The following TNFRSF10A variants were observed in gnomAD, a reference collection of about 807,000 sequenced individuals.
TNFRSF10A encodes TNF receptor superfamily member 10a, also known as tumor necrosis factor receptor superfamily member 10A.
TNFRSF10A carries 44 observed loss-of-function variants against 42.8 expected under a neutral mutation model. The observed-to-expected ratio is 1.03, with a 90% confidence interval of 0.81 to 1.32. The LOEUF is 1.32. Ranked by LOEUF, TNFRSF10A falls within the 40% of genes most tolerant of loss-of-function variation. TNFRSF10A has a pLI of 0.00. For missense variants in TNFRSF10A, 680 were observed against 602.0 expected, an observed-to-expected ratio of 1.13 and a Z score of -1.36; for synonymous variants, 259 against 234.2, an observed-to-expected ratio of 1.11 and a Z score of -0.97.
intron 9 of TNFRSF10A, 82 bp from the exon 10 acceptor site, chr8:23,192,095 A>G: frequency 2.6e-6 from 4 of 1,525,318 alleles, no homozygotes; most frequent in Non-Finnish European, 2.6e-6. Context: ...TCAGGCCCAG[A>G]ACCCAAGGAG....
chr8:23,199,552 C>T, intron 7 of TNFRSF10A, 104 bp from the exon 8 acceptor site: 1 of 1,399,400 alleles, frequency 7.1e-7, no homozygotes, highest in South Asian at 1.3e-5. Flanking sequence ...CCAGTGAGGT[C>T]ACTCCAGGAA....
In TNFRSF10A at chr8:23,224,740, C is replaced by G. The variant is rs1320575221; in HGVS notation, c.306+16G>C. ...AGGCGCGCTTTTCCCCAGGCAGGACCGCGGTGGGGACTCACCTGCAGCAGG... is the reference window on the plus strand; with the variant it reads ...AGGCGCGCTTTTCCCCAGGCAGGACGGCGGTGGGGACTCACCTGCAGCAGG... On this transcript the variant is annotated intron_variant, in intron 1 of 9. Transcript: ENST00000221132. The G allele has an allele frequency of 6.4e-7, 1 of 1,556,866 alleles. No homozygotes were observed.
At chr8:23,218,447 G>A (rs1801214331) in intron 1 of TNFRSF10A, among the ~76,000 whole-genome samples, 1 of 152,060 alleles carries the variant, frequency 6.6e-6, no homozygotes, top group Non-Finnish European at 1.5e-5. Flanking sequence ...GGTTGGCTGT[G>A]GTCGAAAATC....
At chr8:23,194,036 G>T (rs998392062) in intron 9 of TNFRSF10A, among the ~76,000 whole-genome samples, 28 of 152,244 alleles carry the variant, frequency 1.8e-4, no homozygotes, top group Admixed American at 1.8e-3. Context: ...AAATCAAACT[G>T]CCATGGAAAC....
Position 23,191,953 on chromosome 8 carries a change from A to G in TNFRSF10A, c.1148T>C (p.Leu383Pro). 1 of 1,614,148 alleles carries G rather than the reference A, an allele frequency of 6.2e-7. No individual in the cohort carries two copies. The highest frequency in any genetic ancestry group is 8.5e-7 in the Non-Finnish European group (1 of 1,180,042). The part of the protein sequence containing the change: ...NIVPFDSWDQ[L>P]MRQLDLTKNE... Reference sequence around the variant, plus strand: ...TTTCGTGAGGTCCAGCTGCCTCATGAGCTGGTCCCAGGAGTCAAAGGGCAC... The same window carrying G: ...TTTCGTGAGGTCCAGCTGCCTCATGGGCTGGTCCCAGGAGTCAAAGGGCAC... Residue 383 changes from leucine to proline, a missense_variant, in exon 10 of 10, where the codon CTC becomes CCC. Transcript: ENST00000221132.
At chr8:23,209,140 G>T (rs1178247631) in intron 2 of TNFRSF10A, among the ~76,000 whole-genome samples, 1 of 152,232 alleles carries the variant, frequency 6.6e-6, no homozygotes, top group Non-Finnish European at 1.5e-5. Context: ...AGCCTTGGCA[G>T]CTCCCACATG....
At position 23,191,889 on chromosome 8, in the gene TNFRSF10A, T is replaced by C. The variant is rs764634544; in HGVS notation, c.1212A>G (p.Pro404=). 1.2e-6 allele frequency: 2 copies of C among 1,614,062 alleles called. No individual in the cohort carries two copies. Among genetic ancestry groups the C allele is most frequent in the African/African-American group, 2.7e-5 (2 of 74,928 alleles). ...TCAGCATTGCATACAAGGCATCCCC[T>C]GGGCCTGCTGTACCAGCTCTGACCA... ...IDVVRAGTAG[P]GDALYAMLMK... The change falls in exon 10 of 10, where the codon CCA becomes CCG. Residue 404 remains proline (P), a synonymous_variant. Coordinates refer to ENST00000221132, the MANE Select transcript of TNFRSF10A (RefSeq NM_003844.4).
In TNFRSF10A at chr8:23,191,682, A is replaced by G. The variant is rs1336736243; in HGVS notation, c.*12T>C. On this transcript the variant is annotated 3_prime_UTR_variant, in exon 10 of 10. Transcript: ENST00000221132. ...TAACACCTAAGAGGAAACCTCTGGT[A>G]AAAAGAGTCTTTCACTCCAAGGACA... 14 of 1,607,272 alleles carry G rather than the reference A, an allele frequency of 8.7e-6. No individual in the cohort carries two copies. In the Admixed American group the frequency reaches 2.4e-4, roughly 27 times the overall value.
intron 3 of TNFRSF10A, 96 bp from the exon 4 acceptor site, chr8:23,202,015 A>C: frequency 1.7e-6 from 2 of 1,156,886 alleles, no homozygotes; most frequent in Non-Finnish European, 2.5e-6. Context: ...AGCTCAGCTC[A>C]ACTCAGTTTG....
chr8:23,193,297 C>G (rs759845688), intron 9 of TNFRSF10A, among the ~76,000 whole-genome samples: 3 of 152,158 alleles, frequency 2.0e-5, no homozygotes, highest in African/African-American at 7.2e-5. Flanking sequence ...GCAGTTGCCC[C>G]GCTAACTTTG....
At position 23,200,568 on chromosome 8, in the gene TNFRSF10A, C is replaced by A. The variant is rs142205454; in HGVS notation, c.736G>T (p.Val246Leu). The change falls in exon 6 of 10, where the codon GTG becomes TTG. Residue 246 changes from valine (V) to leucine (L), a missense_variant. By Grantham distance (32) the Val-to-Leu change is conservative (BLOSUM62 1). Coordinates refer to ENST00000221132, the MANE Select transcript of TNFRSF10A (RefSeq NM_003844.4). ...NGHNIWVILV[V>L]TLVVPLLLVA... ...AACAGCAACGGAACAACCAAAGTCA[C>A]AACCAAAATCACCCATATATTATGT... The A allele has an allele frequency of 3.5e-5, 56 of 1,614,074 alleles. No individual in the cohort carries two copies. Among genetic ancestry groups the A allele is most frequent in the Admixed American group, 1.2e-4 (7 of 60,006 alleles).
At chr8:23,206,868 T>C (rs1801021261) in intron 2 of TNFRSF10A, 1 of 235,738 alleles carries the variant, frequency 4.2e-6, no homozygotes. Flanking sequence ...CAAGTAAAGA[T>C]TTTGACTTAG....
At chr8:23,219,164 A>G (rs927422566) in intron 1 of TNFRSF10A, among the ~76,000 whole-genome samples, 21 of 152,108 alleles carry the variant, frequency 1.4e-4, no homozygotes, top group African/African-American at 5.1e-4. Flanking sequence ...CTCCTCCACC[A>G]GACTGTGGGC....
intron 6 of TNFRSF10A, 137 bp from the exon 7 acceptor site, chr8:23,200,054 G>A (rs1180653757): frequency 1.1e-5 from 11 of 1,032,986 alleles, no homozygotes; most frequent in Non-Finnish European, 1.6e-5. Context: ...ATCCACATGA[G>A]GCCCTGCTAA....
rs779503672 is a variant in TNFRSF10A, at chr8:23,202,677, GCAAA to G, written c.484_487del (p.Phe162LeufsTer80). On this transcript the variant is annotated frameshift_variant, in exon 3 of 10. Coordinates refer to ENST00000221132, the MANE Select transcript of TNFRSF10A (RefSeq NM_003844.4). LOFTEE classifies it high-confidence loss of function. ...TTTACAAGCTGTACATGGGAGGCAAGCAAACAAATTGTTGGAAGCATTGGTGTAA... is the reference window on the plus strand; with the variant it reads ...TTTACAAGCTGTACATGGGAGGCAAGCAAATTGTTGGAAGCATTGGTGTAA... 8.7e-6 allele frequency: 14 copies of G among 1,613,842 alleles called. No individual in the cohort carries two copies. In the South Asian group the frequency reaches 1.1e-4, roughly 13 times the overall value.
At chr8:23,200,629 C>T (rs1800896247) in intron 5 of TNFRSF10A, 29 bp from the exon 6 acceptor site, 1 of 1,614,138 alleles carries the variant, frequency 6.2e-7, no homozygotes, top group Non-Finnish European at 8.5e-7. Flanking sequence ...AGACAGGAGT[C>T]TCGGGCTGCT....
intron 1 of TNFRSF10A, among the ~76,000 whole-genome samples, chr8:23,223,273 G>A (rs780405768): frequency 6.6e-6 from 1 of 151,980 alleles, no homozygotes; most frequent in Non-Finnish European, 1.5e-5. Flanking sequence ...CACCGTGTTG[G>A]CCAGGATCGT....
At chr8:23,192,213 C>T (rs920045229) in intron 9 of TNFRSF10A, among the ~76,000 whole-genome samples, 200 bp from the exon 10 acceptor site, 2 of 152,278 alleles carry the variant, frequency 1.3e-5, no homozygotes, top group Non-Finnish European at 2.9e-5. Flanking sequence ...GCCCCCAAGG[C>T]GCTGACGGGC....
chr8:23,201,994 C>A, intron 3 of TNFRSF10A, 75 bp from the exon 4 acceptor site: 1 of 1,326,672 alleles, frequency 7.5e-7, no homozygotes. Context: ...CACCCCAACT[C>A]CCTCCCCCTC....
Sources: gnomAD v4.1 joint callset for allele counts (sites outside exome capture counted in the v4.1 genomes callset) on GRCh38, gnomAD v4.1.1 for gene constraint, MANE v1.5 for transcripts, NCBI Gene and HGNC (gene_info 2026-07-23, HGNC 2026-07-21) for gene names.